Variants in CACNB2 observed in about 807,000 individuals in gnomAD.
CACNB2 encodes the protein calcium voltage-gated channel auxiliary subunit beta 2, also known as voltage-dependent L-type calcium channel subunit beta-2.
Under a neutral mutation model 73.3 loss-of-function variants are expected in CACNB2, and 42 were observed. That is an observed-to-expected ratio of 0.57 (90% CI 0.45 to 0.74). CACNB2 has a LOEUF of 0.74. Among genes scored for constraint, CACNB2 ranks in the 30% least tolerant of loss-of-function variants. CACNB2 has a pLI of 0.00. For synonymous variants in CACNB2, 348 were observed against 310.3 expected, an observed-to-expected ratio of 1.12 and a Z score of -1.28; for missense variants, 940 against 853.0, an observed-to-expected ratio of 1.10 and a Z score of -1.27.
chr10:18,284,378 A>T (rs1316905168), intron 2 of CACNB2, among the ~76,000 whole-genome samples: 1 of 152,204 alleles, frequency 6.6e-6, no homozygotes, highest in East Asian at 1.9e-4. Flanking sequence ...ATTCAAGATG[A>T]GATTTGGATG....
intron 3 of CACNB2, among the ~76,000 whole-genome samples, chr10:18,493,866 C>A (rs564118486): frequency 1.3e-5 from 2 of 152,148 alleles, no homozygotes; most frequent in Non-Finnish European, 2.9e-5. Flanking sequence ...GGTTTAGCAT[C>A]CTGGGGTCTT....
intron 2 of CACNB2, among the ~76,000 whole-genome samples, chr10:18,323,329 A>T (rs553248571): frequency 6.6e-6 from 1 of 151,686 alleles, no homozygotes; most frequent in African/African-American, 2.4e-5. Context: ...GATTTTGCCT[A>T]TTTTTGTATT....
intron 2 of CACNB2, among the ~76,000 whole-genome samples, chr10:18,289,493 A>T (rs2038969992): frequency 6.6e-6 from 1 of 151,524 alleles, no homozygotes. Context: ...ATGGAGTTTC[A>T]CCCAGTTAGC....
At chr10:18,467,278 C>T (rs1205061934) in intron 3 of CACNB2, among the ~76,000 whole-genome samples, 2 of 152,098 alleles carry the variant, frequency 1.3e-5, no homozygotes, top group East Asian at 3.9e-4. Context: ...CTCCTTTTGC[C>T]ACAAGATTCA....
chr10:18,536,431 T>C (rs181120026), intron 12 of CACNB2, among the ~76,000 whole-genome samples: 143 of 151,692 alleles, frequency 9.4e-4, no homozygotes, highest in African/African-American at 3.3e-3. Flanking sequence ...GCTAACTTTT[T>C]TTTTTCCCCC....
At chr10:18,347,128 A>G (rs1471369860) in intron 2 of CACNB2, among the ~76,000 whole-genome samples, 7 of 152,118 alleles carry the variant, frequency 4.6e-5, no homozygotes, top group Non-Finnish European at 7.4e-5. Flanking sequence ...GATAGGATGG[A>G]CATATCTGAC....
chr10:18,376,977 G>A (rs2132333765), intron 2 of CACNB2, among the ~76,000 whole-genome samples: 1 of 152,236 alleles, frequency 6.6e-6, no homozygotes. Context: ...TAATTTAATT[G>A]TAAATTTTAA....
chr10:18,420,007 A>G lies in CACNB2; in HGVS notation c.333+17964A>G, dbSNP rs116925906. ...GTTCTAGGTTTTTATTTAGTTAGTT[A>G]GCATCATTAACTCGTTCCCTCAACT... On this transcript the variant is annotated intron_variant, in intron 3 of 13. Coordinates refer to ENST00000324631, the MANE Select transcript of CACNB2 (RefSeq NM_201596.3). 1.5e-3 allele frequency among the ~76,000 whole-genome samples: 232 copies of G among 152,298 alleles called. 3 individuals are homozygous for G. In the East Asian group the frequency reaches 0.039, roughly 26 times the overall value.
intron 2 of CACNB2, among the ~76,000 whole-genome samples, chr10:18,350,787 C>A (rs1423195637): frequency 1.3e-5 from 2 of 152,074 alleles, no homozygotes; most frequent in African/African-American, 2.4e-5. Context: ...TTTTAAAAAC[C>A]ATTTTCTGTT....
intron 2 of CACNB2, among the ~76,000 whole-genome samples, chr10:18,271,899 A>G (rs1012166402): frequency 1.3e-5 from 2 of 152,146 alleles, no homozygotes; most frequent in Non-Finnish European, 2.9e-5. Flanking sequence ...ATTCTCCTCC[A>G]TACCACCAAA....
At chr10:18,244,334 C>G (rs2036778995) in intron 2 of CACNB2, among the ~76,000 whole-genome samples, 1 of 152,156 alleles carries the variant, frequency 6.6e-6, no homozygotes, top group African/African-American at 2.4e-5. Flanking sequence ...CAAATTCTAC[C>G]TTTAAAAACA....
intron 3 of CACNB2, among the ~76,000 whole-genome samples, chr10:18,484,165 G>A (rs1387115357): frequency 1.3e-5 from 2 of 152,092 alleles, no homozygotes; most frequent in Non-Finnish European, 1.5e-5. Flanking sequence ...AGGCCAAGGC[G>A]GGCAGATCAC....
At position 18,396,650 on chromosome 10, in the gene CACNB2, T is replaced by C. The variant is rs571804703; in HGVS notation, c.214-5274T>C. Among the ~76,000 whole-genome samples the C allele has an allele frequency of 9.9e-5, 15 of 152,268 alleles. No homozygotes were observed. The South Asian group carries it at 3.1e-3, about 32-fold the overall frequency. ...CACACCTGGCTAATTTTTGTATTTT[T>C]AGTAGAGACAGGGTTTCACCATGTT... is the stretch of plus-strand genomic sequence containing the variant. On this transcript the variant is annotated intron_variant, in intron 2 of 13. Coordinates refer to ENST00000324631, the MANE Select transcript of CACNB2 (RefSeq NM_201596.3).
intron 3 of CACNB2, among the ~76,000 whole-genome samples, chr10:18,496,185 C>CAAAAAAAAA (rs57139534): frequency 1.2e-5 from 1 of 84,074 alleles, no homozygotes; most frequent in Admixed American, 1.4e-4. Context: ...GACTCAGTCT[C>CAAAAAAAAA]AAAAAAAAAA....
At chr10:18,335,140 A>T (rs1233707917) in intron 2 of CACNB2, among the ~76,000 whole-genome samples, 4 of 152,144 alleles carry the variant, frequency 2.6e-5, no homozygotes, top group African/African-American at 9.7e-5. Context: ...AAAAAAAAAA[A>T]AAATACCGTT....
At chr10:18,485,529 C>T (rs1230941878) in intron 3 of CACNB2, among the ~76,000 whole-genome samples, 1 of 150,296 alleles carries the variant, frequency 6.7e-6, no homozygotes, top group African/African-American at 2.4e-5. Context: ...ATCTTCTTGA[C>T]CTGTCTTTTC....
chr10:18,416,702 C>T (rs1312688615), intron 3 of CACNB2, among the ~76,000 whole-genome samples: 1 of 152,110 alleles, frequency 6.6e-6, no homozygotes, highest in Non-Finnish European at 1.5e-5. Context: ...AACTTTTTTT[C>T]AATGAGCCTG....
chr10:18,460,586 T>TA (rs1279829814), intron 3 of CACNB2, among the ~76,000 whole-genome samples: 1 of 152,020 alleles, frequency 6.6e-6, no homozygotes, highest in African/African-American at 2.4e-5. Flanking sequence ...CCCTCCCATT[T>TA]AAAAAAATAA....
intron 2 of CACNB2, among the ~76,000 whole-genome samples, chr10:18,287,066 C>T (rs999111390): frequency 1.3e-5 from 2 of 152,148 alleles, no homozygotes; most frequent in Non-Finnish European, 2.9e-5. Context: ...TGGTGCCTCA[C>T]GCCTGTAATC....
Sources: allele counts gnomAD v4.1 joint callset (sites outside exome capture counted in the v4.1 genomes callset), GRCh38; gene constraint gnomAD v4.1.1; transcripts MANE v1.5; gene names NCBI Gene and HGNC (gene_info 2026-07-23, HGNC 2026-07-21).